The following CHRM2 variants were observed in gnomAD, a reference collection of about 807,000 sequenced individuals.
CHRM2 encodes muscarinic acetylcholine receptor M2.
A neutral mutation model predicts 25.0 loss-of-function variants in CHRM2; 8 were observed. The ratio of observed to expected loss-of-function variants is 0.32; its 90% CI spans 0.19 to 0.58. The LOEUF is 0.58. CHRM2 is among the 20% of genes least tolerant of loss of function. The probability of loss-of-function intolerance (pLI) is 0.88; values close to 1 mark genes in which losing one functional copy is unlikely to be tolerated. For synonymous variants in CHRM2, 202 were observed against 205.7 expected (o/e 0.98, Z 0.15); for missense variants, 440 against 567.1 (o/e 0.78, Z 2.28).
intron 2 of CHRM2, among the ~76,000 whole-genome samples, chr7:136,976,506 A>G (rs909238039): frequency 6.6e-6 from 1 of 152,196 alleles, no homozygotes; most frequent in Admixed American, 6.5e-5. Flanking sequence ...TGGCTAAGAT[A>G]CTTGTGCAAG....
chr7:137,007,808 G>A (rs1804543983), intron 3 of CHRM2, among the ~76,000 whole-genome samples: 2 of 152,032 alleles, frequency 1.3e-5, no homozygotes, highest in Admixed American at 1.3e-4. Flanking sequence ...TATCAAAACT[G>A]TGTACAATTG....
chr7:136,878,502 G>C (rs12670040), intron 2 of CHRM2, among the ~76,000 whole-genome samples: 20,446 of 151,740 alleles, frequency 0.13, 1,621 homozygotes, highest in Non-Finnish European at 0.18. Flanking sequence ...AAATAAGCCT[G>C]ACTGGATATT....
At chr7:136,926,356 A>G (rs1171263788) in intron 2 of CHRM2, among the ~76,000 whole-genome samples, 2 of 152,262 alleles carry the variant, frequency 1.3e-5, no homozygotes, top group Non-Finnish European at 2.9e-5. Flanking sequence ...ATGACGTGTC[A>G]GGCAGGAATA....
intron 2 of CHRM2, among the ~76,000 whole-genome samples, chr7:136,916,300 A>C (rs571410636): frequency 6.6e-6 from 1 of 151,926 alleles, no homozygotes; most frequent in Admixed American, 6.6e-5. Flanking sequence ...GGATGAATAC[A>C]TTTAATCCTC....
At chr7:136,932,053 G>A (rs1799137449) in intron 2 of CHRM2, among the ~76,000 whole-genome samples, 1 of 152,056 alleles carries the variant, frequency 6.6e-6, no homozygotes, top group Non-Finnish European at 1.5e-5. Flanking sequence ...ATTTACTAGT[G>A]ATCTGTGTAG....
chr7:136,890,037 G>T (rs562195464), intron 2 of CHRM2, among the ~76,000 whole-genome samples: 2 of 152,232 alleles, frequency 1.3e-5, no homozygotes, highest in East Asian at 3.9e-4. Context: ...TCTCCAGCAT[G>T]AACTTTACAA....
intron 2 of CHRM2, among the ~76,000 whole-genome samples, chr7:136,877,077 T>A (rs1796078423): frequency 6.6e-6 from 1 of 151,984 alleles, no homozygotes; most frequent in African/African-American, 2.4e-5. Context: ...AATAACAGAT[T>A]GATGAACTGG....
At chr7:136,984,788 A>G (rs1441351533) in intron 2 of CHRM2, among the ~76,000 whole-genome samples, 1 of 151,306 alleles carries the variant, frequency 6.6e-6, no homozygotes, top group Non-Finnish European at 1.5e-5. Context: ...ACTGTCTAAC[A>G]ATCTCAATGA....
intron 2 of CHRM2, among the ~76,000 whole-genome samples, chr7:136,872,538 A>G (rs1275525274): frequency 6.6e-6 from 1 of 152,210 alleles, no homozygotes; most frequent in Non-Finnish European, 1.5e-5. Flanking sequence ...TTTACTGGAC[A>G]ATTTTCCAAT....
intron 2 of CHRM2, among the ~76,000 whole-genome samples, chr7:136,872,193 G>A (rs1334543732): frequency 6.6e-6 from 1 of 152,168 alleles, no homozygotes; most frequent in Admixed American, 6.5e-5. Flanking sequence ...AAAGAGGCAT[G>A]TTTGTTTGTA....
At chr7:136,898,265 A>T (rs970033063) in intron 2 of CHRM2, among the ~76,000 whole-genome samples, 1 of 152,116 alleles carries the variant, frequency 6.6e-6, no homozygotes. Context: ...AAAAACAAAA[A>T]CTTATCAGTT....
intron 3 of CHRM2, among the ~76,000 whole-genome samples, chr7:137,007,401 A>T (rs1804515310): frequency 6.6e-6 from 1 of 152,052 alleles, no homozygotes; most frequent in Admixed American, 6.6e-5. Flanking sequence ...TAATTCAGTA[A>T]GATATTTTGA....
chr7:137,013,687 A>G (rs535792940), intron 3 of CHRM2, among the ~76,000 whole-genome samples: 1 of 152,176 alleles, frequency 6.6e-6, no homozygotes, highest in South Asian at 2.1e-4. Context: ...ATATTATCTC[A>G]AAAATGATGA....
At chr7:137,003,558 G>T (rs1472597411) in intron 3 of CHRM2, among the ~76,000 whole-genome samples, 1 of 147,214 alleles carries the variant, frequency 6.8e-6, no homozygotes, top group East Asian at 2.1e-4. Flanking sequence ...AATAAATACA[G>T]GCCCAGGCCC....
At chr7:136,954,803 C>A (rs1800624696) in intron 2 of CHRM2, among the ~76,000 whole-genome samples, 1 of 152,174 alleles carries the variant, frequency 6.6e-6, no homozygotes, top group Non-Finnish European at 1.5e-5. Context: ...CAATGGGAAG[C>A]ATCAGAAGAT....
At chr7:136,948,780 A>G (rs1800216818) in intron 2 of CHRM2, among the ~76,000 whole-genome samples, 1 of 152,034 alleles carries the variant, frequency 6.6e-6, no homozygotes, top group Non-Finnish European at 1.5e-5. Context: ...TGTTGATAAA[A>G]AAGAAATGAG....
intron 2 of CHRM2, among the ~76,000 whole-genome samples, chr7:136,877,449 C>T (rs920489021): frequency 2.0e-5 from 3 of 151,878 alleles, no homozygotes; most frequent in African/African-American, 4.8e-5. Context: ...TCCTTTCATT[C>T]GTTTAATATC....
At position 136,965,080 on chromosome 7, in the gene CHRM2, G is replaced by T. The variant is rs324581; in HGVS notation, c.-124-27107G>T. Among the ~76,000 whole-genome samples, 8 of 152,114 alleles carry T rather than the reference G, an allele frequency of 5.3e-5. 1 individual carries two copies. Among genetic ancestry groups the T allele is most frequent in the Admixed American group, 3.3e-4 (5 of 15,258 alleles). Reference sequence around the variant, plus strand: ...ATGTCAAGAATTATATAAAAGTCTAGATATCTATGAATTAATGCAGACATG... The same window carrying T: ...ATGTCAAGAATTATATAAAAGTCTATATATCTATGAATTAATGCAGACATG... On this transcript the variant is annotated intron_variant, in intron 2 of 3. Transcript: ENST00000680005.
intron 2 of CHRM2, among the ~76,000 whole-genome samples, chr7:136,985,642 A>C (rs1802809995): frequency 6.6e-6 from 1 of 152,184 alleles, no homozygotes; most frequent in African/African-American, 2.4e-5. Flanking sequence ...TATTTATAAG[A>C]AAGGACCTAG....
Sources: allele counts gnomAD v4.1 joint callset (sites outside exome capture counted in the v4.1 genomes callset), GRCh38; gene constraint gnomAD v4.1.1; transcripts MANE v1.5; gene names NCBI Gene and HGNC (gene_info 2026-07-23, HGNC 2026-07-21).